The following P2RX4 variants were observed in gnomAD, a reference collection of about 807,000 sequenced individuals.
The protein encoded by P2RX4 is purinergic receptor P2X 4, also known as P2X purinoceptor 4.
Under a neutral mutation model 48.0 loss-of-function variants are expected in P2RX4, and 37 were observed. The ratio of observed to expected loss-of-function variants is 0.77; its 90% confidence interval spans 0.59 to 1.01. The LOEUF is 1.01. Ranked by LOEUF, P2RX4 falls within the 50% of genes least tolerant of loss-of-function variation. P2RX4 has a pLI of 0.00. For synonymous variants in P2RX4, 200 were observed against 199.7 expected, an observed-to-expected ratio of 1.00 and a Z score of -0.01; for missense variants, 501 against 521.4, an observed-to-expected ratio of 0.96 and a Z score of 0.38.
intron 4 of P2RX4, 103 bp from the exon 5 acceptor site, chr12:121,222,844 C>A: frequency 1.4e-6 from 2 of 1,435,746 alleles, no homozygotes; most frequent in Non-Finnish European, 1.9e-6. Flanking sequence ...TCAAGACTGG[C>A]TGCATGGGAG....
chr12:121,229,308 C>A lies in P2RX4; in HGVS notation c.884+209C>A, dbSNP rs1472995280. ...GGCCATCCCGGCCCCCGAGACCCCT[C>A]CTTGCCCTTTCCTGCCGCAAGAAAC... On this transcript the variant is annotated intron_variant, in intron 8 of 11. Coordinates refer to ENST00000337233, the MANE Select transcript of P2RX4 (RefSeq NM_002560.3). This position sits in a 1 kb window ranked among gnomAD's most constrained non-coding sequence, Gnocchi z 4.6. Among the ~76,000 whole-genome samples the A allele has an allele frequency of 6.6e-6, 1 of 152,216 alleles. No homozygotes were observed. The highest frequency in any genetic ancestry group is 1.5e-5 in the Non-Finnish European group (1 of 68,028).
chr12:121,211,429 T>C (rs769449285), intron 1 of P2RX4, among the ~76,000 whole-genome samples: 5 of 152,096 alleles, frequency 3.3e-5, no homozygotes, highest in South Asian at 2.1e-4. Flanking sequence ...CCTCAGGTGA[T>C]CCGCCCACCT....
At position 121,217,265 on chromosome 12, in the gene P2RX4, A is replaced by C; in HGVS notation, c.266A>C (p.Tyr89Ser). ...LGFRIWDVAD[Y>S]VIPAQEENSL... ...TTCCGGATCTGGGATGTGGCGGATT[A>C]TGTGATACCAGCTCAGGTGTGTCTC... Residue 89 changes from tyrosine (Y) to serine (S), a missense_variant, in exon 2 of 12, where the codon TAT becomes TCT. Physicochemically the swap from Tyr to Ser is moderately radical, Grantham distance 144. Transcript: ENST00000337233. 1 of 1,614,188 alleles carries C rather than the reference A, an allele frequency of 6.2e-7. No homozygotes were observed. The highest frequency in any genetic ancestry group is 1.1e-5 in the South Asian group (1 of 91,090).
At chr12:121,214,986 A>G (rs893533847) in intron 1 of P2RX4, 6 of 152,086 alleles carry the variant, frequency 3.9e-5, no homozygotes, top group African/African-American at 1.2e-4. Context: ...GGGTTTCACA[A>G]TGTTGGCCAG....
rs1282005636 is a variant in P2RX4 at position 121,229,120 on chromosome 12, C to T, written c.884+21C>T. 1 of 1,613,962 alleles carries T rather than the reference C, an allele frequency of 6.2e-7. No homozygotes were observed. The highest frequency in any genetic ancestry group is 1.7e-5 in the Admixed American group (1 of 60,006). On this transcript the variant is annotated intron_variant, in intron 8 of 11. Coordinates refer to ENST00000337233, the MANE Select transcript of P2RX4 (RefSeq NM_002560.3). This position sits in a 1 kb window ranked among gnomAD's most constrained non-coding sequence, Gnocchi z 4.6. ...TTCAGGTGGGCGTGAGCTTGGGCCC[C>T]TCGCTCATGTTGTAGGGGGTGCTGG...
intron 8 of P2RX4, among the ~76,000 whole-genome samples, chr12:121,231,132 C>A (rs964837190): frequency 6.6e-6 from 1 of 151,732 alleles, no homozygotes; most frequent in Non-Finnish European, 1.5e-5. Context: ...GGATTACAGG[C>A]GCCCGCCACC....
chr12:121,228,538 C>T lies in P2RX4; in HGVS notation c.530C>T (p.Ala177Val). ...VEDDTHVPQP[A>V]FLKAAENFTL... is the part of the protein sequence containing the mutation. ...ATGTTATCATTGTTTTTCAGACCTG[C>T]TTTTTTAAAGGCTGCAGAAAACTTC... The change falls in exon 6 of 12, where the codon GCT becomes GTT. Residue 177 changes from alanine to valine, a missense_variant. Transcript: ENST00000337233. The T allele has an allele frequency of 6.2e-7, 1 of 1,610,458 alleles. No individual in the cohort carries two copies. The highest frequency in any genetic ancestry group is 8.5e-7 in the Non-Finnish European group (1 of 1,178,360).
At chr12:121,224,389 A>C (rs553335088) in intron 5 of P2RX4, among the ~76,000 whole-genome samples, 49 of 152,240 alleles carry the variant, frequency 3.2e-4, no homozygotes, top group African/African-American at 1.1e-3. Context: ...GGATCATCTG[A>C]GGCCAGGAGT....
At chr12:121,223,753 C>T (rs938617381) in intron 5 of P2RX4, among the ~76,000 whole-genome samples, 4 of 152,180 alleles carry the variant, frequency 2.6e-5, no homozygotes, top group Admixed American at 2.0e-4. Flanking sequence ...AAAGATCCAG[C>T]GTGGCCAGGA....
chr12:121,230,023 ACTACAGCTGATGATCT>A (rs781488657), intron 8 of P2RX4, among the ~76,000 whole-genome samples: 4 of 152,260 alleles, frequency 2.6e-5, no homozygotes, highest in Non-Finnish European at 5.9e-5. Flanking sequence ...TGTTCAACCC[ACTACAGCTGATGATCT>A]CATGATCAGA....
intron 1 of P2RX4, chr12:121,212,816 A>ATTTTTTTTTTTT (rs1266371217): frequency 2.1e-4 from 7 of 32,752 alleles, no homozygotes; most frequent in African/African-American, 1.0e-3. Context: ...ATATATATAT[A>ATTTTTTTTTTTT]TATATATATT....
chr12:121,223,636 T>G (rs1367009188), intron 5 of P2RX4, among the ~76,000 whole-genome samples: 1 of 152,142 alleles, frequency 6.6e-6, no homozygotes, highest in African/African-American at 2.4e-5. Context: ...CAGTTGCAAA[T>G]AACTGACAGG....
At chr12:121,228,398 AT>A in intron 5 of P2RX4, 134 bp from the exon 6 acceptor site, 1 of 202,284 alleles carries the variant, frequency 4.9e-6, no homozygotes, top group Non-Finnish European at 9.5e-6. Context: ...ATATATATAT[AT>A]ATATATACAC....
intron 1 of P2RX4, 31 bp downstream of exon 1, chr12:121,210,329 G>T (rs28360467): frequency 0.086 from 127,363 of 1,486,454 alleles, 6,177 homozygotes; most frequent in Non-Finnish European, 0.096. Context: ...GGGGCGCGGC[G>T]GGTGCTGCCC....
intron 5 of P2RX4, 76 bp downstream of exon 5, chr12:121,223,119 G>A: frequency 1.1e-6 from 1 of 935,162 alleles, no homozygotes; most frequent in East Asian, 2.6e-5. Flanking sequence ...TGTATCCCAG[G>A]TTGGAGTGCA....
intron 5 of P2RX4, among the ~76,000 whole-genome samples, chr12:121,227,966 A>T (rs1887076652): frequency 6.6e-6 from 1 of 151,776 alleles, no homozygotes; most frequent in African/African-American, 2.4e-5. Flanking sequence ...ATGGTGATGC[A>T]TGCCTATAGT....
rs750151963 is a variant in P2RX4 at position 121,233,093 on chromosome 12, G to A, written c.1140+1G>A. 4.3e-5 allele frequency: 69 copies of A among 1,602,216 alleles called. No homozygotes were observed. The highest frequency in any genetic ancestry group is 2.4e-5 in the Non-Finnish European group (28 of 1,169,992). On this transcript the variant is annotated splice_donor_variant, in intron 11 of 11. Transcript: ENST00000337233. LOFTEE classifies it high-confidence loss of function. ...TAAATATGTGGAAGATTACGAGCAG[G>A]TAGGCCCCTCCTGGCCCCCAGCAGG...
intron 5 of P2RX4, among the ~76,000 whole-genome samples, chr12:121,224,585 G>A (rs1886857346): frequency 6.6e-6 from 1 of 152,032 alleles, no homozygotes; most frequent in Non-Finnish European, 1.5e-5. Flanking sequence ...TTGGGCGACA[G>A]AGAGAGACTC....
intron 5 of P2RX4, among the ~76,000 whole-genome samples, chr12:121,227,181 TCTC>T (rs532928117): frequency 4.6e-4 from 70 of 151,628 alleles, no homozygotes; most frequent in African/African-American, 1.5e-3. Context: ...CAGGCTCAGC[TCTC>T]CTCCGAGTGC....
Sources: gnomAD v4.1 joint callset for allele counts (sites outside exome capture counted in the v4.1 genomes callset) on GRCh38, gnomAD v4.1.1 for gene constraint, Gnocchi (gnomAD v3.1) non-coding constraint, MANE v1.5 for transcripts, NCBI Gene and HGNC (gene_info 2026-07-23, HGNC 2026-07-21) for gene names.